PRR16: variants seen among roughly 807,000 people sequenced by gnomAD.
PRR16 encodes the protein protein Largen.
Under a neutral mutation model 18.2 loss-of-function variants are expected in PRR16, and 6 were observed. The ratio of observed to expected loss-of-function variants is 0.33; its 90% confidence interval spans 0.18 to 0.65. The LOEUF (loss-of-function observed/expected upper bound fraction) is 0.65. Among genes scored for constraint, PRR16 ranks in the 30% least tolerant of loss-of-function variants. The probability of loss-of-function intolerance (pLI) is 0.74; values close to 1 mark genes in which losing one functional copy is unlikely to be tolerated. For missense variants in PRR16, 412 were observed against 376.6 expected, an observed-to-expected ratio of 1.09 and a Z score of -0.78; for synonymous variants, 151 against 147.8, an observed-to-expected ratio of 1.02 and a Z score of -0.16.
chr5:120,750,387 G>T, the PRR16 span, among the ~76,000 whole-genome samples: 1 of 151,956 alleles, frequency 6.6e-6, no homozygotes, highest in Non-Finnish European at 1.5e-5. Context: ...AGTCAGGCGC[G>T]GTGGCTCACA....
chr5:120,473,701 G>T (rs1182297139), intron 1 of PRR16, among the ~76,000 whole-genome samples: 2 of 152,100 alleles, frequency 1.3e-5, no homozygotes, highest in Non-Finnish European at 2.9e-5. Context: ...TAGTTTCTAG[G>T]GATATAGTGG....
rs189299632 is a variant in PRR16, at chr5:120,564,811, C to T, written c.159+100166C>T. 3.7e-3 allele frequency among the ~76,000 whole-genome samples: 558 copies of T among 151,982 alleles called. 2 individuals carry two copies. Among genetic ancestry groups the T allele is most frequent in the African/African-American group, 0.013 (538 of 41,442 alleles). On this transcript the variant is annotated intron_variant, in intron 1 of 1. Transcript: ENST00000407149. ...ACCATCCTGGCTAAAATGGTGAAAC[C>T]CCATCTCTACTAAAAATACAAAAAA... is the stretch of plus-strand genomic sequence containing the variant.
chr5:120,783,233 C>A, the PRR16 span, among the ~76,000 whole-genome samples: 49 of 152,282 alleles, frequency 3.2e-4, no homozygotes, highest in African/African-American at 1.2e-3. Context: ...ATGTGATTTA[C>A]TCAGTATTCA....
At chr5:120,615,294 C>T (rs1490692758) in intron 1 of PRR16, among the ~76,000 whole-genome samples, 4 of 151,578 alleles carry the variant, frequency 2.6e-5, no homozygotes, top group African/African-American at 7.3e-5. Flanking sequence ...TTTAGTGTCT[C>T]GATATGAAGA....
Position 120,659,298 on chromosome 5 carries a change from T to C in PRR16, c.160-26656T>C, listed in dbSNP as rs188320297. Among the ~76,000 whole-genome samples, 269 of 152,136 alleles carry C rather than the reference T, an allele frequency of 1.8e-3. 1 individual carries two copies. The highest frequency in any genetic ancestry group is 6.0e-3 in the African/African-American group (249 of 41,566). On this transcript the variant is annotated intron_variant, in intron 1 of 1. Transcript: ENST00000407149. ...ATTTTTTAAAGAAGCATTCAAGATA[T>C]CTGTAGTCTGTGTTTTCTTGGTTCC...
At chr5:120,740,951 T>A in the PRR16 span, among the ~76,000 whole-genome samples, 2 of 152,086 alleles carry the variant, frequency 1.3e-5, no homozygotes, top group Non-Finnish European at 2.9e-5. Context: ...TAACAAAAAT[T>A]AAGAGCACAA....
chr5:120,501,476 G>A (rs1750451470), intron 1 of PRR16, among the ~76,000 whole-genome samples: 1 of 152,026 alleles, frequency 6.6e-6, no homozygotes, highest in South Asian at 2.1e-4. Context: ...GTAAAAATAA[G>A]TCTAGTTTTT....
intron 1 of PRR16, among the ~76,000 whole-genome samples, chr5:120,490,943 C>T (rs576857013): frequency 1.3e-5 from 2 of 152,328 alleles, no homozygotes; most frequent in East Asian, 1.9e-4. Context: ...GCCTGGATAT[C>T]AGCAGCGGAG....
intron 1 of PRR16, among the ~76,000 whole-genome samples, chr5:120,527,560 TG>T: frequency 6.6e-6 from 1 of 152,300 alleles, no homozygotes; most frequent in Non-Finnish European, 1.5e-5. Context: ...TTTTGAGTTA[TG>T]GAGTGAGAAG....
intron 1 of PRR16, among the ~76,000 whole-genome samples, chr5:120,625,011 C>T (rs546663151): frequency 1.6e-3 from 245 of 152,304 alleles, no homozygotes; most frequent in Non-Finnish European, 2.6e-3. Flanking sequence ...TCCCCAGCCA[C>T]GTGGAACTGT....
At chr5:120,616,040 C>G (rs554913848) in intron 1 of PRR16, among the ~76,000 whole-genome samples, 3 of 152,074 alleles carry the variant, frequency 2.0e-5, no homozygotes, top group Admixed American at 6.6e-5. Flanking sequence ...AATAACGTGC[C>G]CTTTCTCAAC....
At position 120,464,357 on chromosome 5, in the gene PRR16, C is replaced by A. The variant is rs1354227144; in HGVS notation, c.-130C>A. The A allele has an allele frequency of 9.6e-7, 1 of 1,044,978 alleles. No homozygotes were observed. Among genetic ancestry groups the A allele is most frequent in the African/African-American group, 1.7e-5 (1 of 58,888 alleles). 64.7% of individuals were successfully genotyped at this position (1,044,978 alleles called of 1,614,324 possible). ...GCCGAGCGCGGAGCGCAGCCACTCG[C>A]CGCTGCCCAGGGAGCGCCCAAGATG... On this transcript the variant is annotated 5_prime_UTR_variant, in exon 1 of 2. Coordinates refer to ENST00000407149, the MANE Select transcript of PRR16 (RefSeq NM_001300783.2).
In PRR16 at chr5:120,686,345, T is replaced by A. The variant is rs200517701; in HGVS notation, c.551T>A (p.Val184Asp). 3 of 1,614,132 alleles carry A rather than the reference T, an allele frequency of 1.9e-6. No homozygotes were observed. The highest frequency in any genetic ancestry group is 2.5e-6 in the Non-Finnish European group (3 of 1,180,020). The change falls in exon 2 of 2, where the codon GTC (valine) becomes GAC (aspartate). Residue 184 changes from valine (V) to aspartate (D), a missense_variant. Transcript: ENST00000407149. ...AACAGTAACTTGGACAAGGCTCCAG[T>A]CCAGCTTCTGATGCATAGACCTGAA... ...IPNSNLDKAPVQLLMHRPEKD... is the reference protein window; with the variant it reads ...IPNSNLDKAPDQLLMHRPEKD...
chr5:120,781,443 A>ATAAAC, the PRR16 span: 4 of 152,188 alleles, frequency 2.6e-5, no homozygotes, highest in Non-Finnish European at 5.9e-5. Context: ...TCTAATGGTA[A>ATAAAC]TAAACTAGAG....
intron 1 of PRR16, among the ~76,000 whole-genome samples, chr5:120,625,591 G>A (rs912695262): frequency 2.0e-5 from 3 of 152,066 alleles, no homozygotes; most frequent in African/African-American, 7.2e-5. Flanking sequence ...TCTTGCCTTG[G>A]CCTCCCAAAG....
intron 1 of PRR16, among the ~76,000 whole-genome samples, chr5:120,556,519 T>C (rs1394364166): frequency 6.6e-6 from 1 of 151,924 alleles, no homozygotes; most frequent in Non-Finnish European, 1.5e-5. Flanking sequence ...CAAAGCTATT[T>C]CCTGAGAAGA....
intron 1 of PRR16, among the ~76,000 whole-genome samples, chr5:120,485,503 G>T: frequency 6.6e-6 from 1 of 152,306 alleles, no homozygotes; most frequent in South Asian, 2.1e-4. Context: ...TATGCTGTTT[G>T]TTCTTGCAAT....
the PRR16 span, among the ~76,000 whole-genome samples, chr5:120,724,892 G>C: frequency 6.6e-6 from 1 of 151,786 alleles, no homozygotes; most frequent in African/African-American, 2.4e-5. Flanking sequence ...AATGGTATCT[G>C]TATTCTGGTG....
the PRR16 span, among the ~76,000 whole-genome samples, chr5:120,786,078 G>T: frequency 1.5e-4 from 21 of 143,750 alleles, no homozygotes; most frequent in Middle Eastern, 7.1e-3. Flanking sequence ...GTTTGTGGAA[G>T]AAAGCTTTTG....
Sources: allele counts gnomAD v4.1 joint callset (sites outside exome capture counted in the v4.1 genomes callset), GRCh38; gene constraint gnomAD v4.1.1; transcripts MANE v1.5; gene names NCBI Gene and HGNC (gene_info 2026-07-23, HGNC 2026-07-21).